Variants in HPS4 observed in about 807,000 individuals in gnomAD.
The protein encoded by HPS4 is HPS4 biogenesis of lysosomal organelles complex 3 subunit 2, also known as BLOC-3 complex member HPS4.
Under a neutral mutation model 70.3 loss-of-function variants are expected in HPS4, and 44 were observed. The ratio of observed to expected loss-of-function variants is 0.63; its 90% CI spans 0.49 to 0.80. The LOEUF (loss-of-function observed/expected upper bound fraction) is 0.80, where lower values mean the gene tolerates loss of function less well. Among genes scored for constraint, HPS4 ranks in the 30% least tolerant of loss-of-function variants. HPS4 has a pLI of 0.00. For synonymous variants in HPS4, 377 were observed against 355.9 expected, an observed-to-expected ratio of 1.06 and a Z score of -0.67; for missense variants, 873 against 884.4, an observed-to-expected ratio of 0.99 and a Z score of 0.16.
intron 13 of HPS4, 82 bp from the exon 14 acceptor site, chr22:26,453,486 G>T: frequency 6.8e-7 from 1 of 1,471,450 alleles, no homozygotes; most frequent in Non-Finnish European, 9.5e-7. Context: ...TAAGGTTCTT[G>T]TCACAGAGGA....
At chr22:26,443,232 G>A (rs764629413), downstream of HPS4, 24 of 1,591,586 alleles carry the variant, frequency 1.5e-5, no homozygotes, top group South Asian at 1.3e-4. Flanking sequence ...TGGAGTCGGC[G>A]AGAAGGGCCG....
intron 2 of HPS4, 78 bp downstream of exon 2, chr22:26,481,644 C>T (rs1187824651): frequency 7.6e-7 from 1 of 1,310,186 alleles, no homozygotes; most frequent in East Asian, 2.3e-5. Flanking sequence ...CACAATCTGG[C>T]TGGGGATTTT....
chr22:26,482,868 A>G (rs1328447745), intron 1 of HPS4: 1 of 152,236 alleles, frequency 6.6e-6, no homozygotes, highest in African/African-American at 2.4e-5. Flanking sequence ...TAGTCTGGAT[A>G]ACGCTCTGCA....
intron 3 of HPS4, among the ~76,000 whole-genome samples, chr22:26,445,723 G>A (rs190863675): frequency 1.3e-5 from 2 of 152,298 alleles, no homozygotes; most frequent in Non-Finnish European, 2.9e-5. Flanking sequence ...CCACAGCTGA[G>A]TAGAGAAACA....
rs1271749665 is a variant in HPS4 at position 26,464,431 on chromosome 22, G to C, written c.1199C>G (p.Pro400Arg). ...GGCGCTGAGAGATGCCTTGCAGTAA[G>C]GAGCCCTGCCATCTGGAACAGGCAC... ...LHVPVPDGRA[P>R]YCKASLSASS... The change falls in exon 11 of 14, where the codon CCT (proline) becomes CGT (arginine). Residue 400 changes from proline (P) to arginine (R), a missense_variant. Physicochemically the swap from Pro to Arg is moderately radical, Grantham distance 103. Coordinates refer to ENST00000398145, the MANE Select transcript of HPS4 (RefSeq NM_022081.6). The C allele has an allele frequency of 1.2e-6, 2 of 1,614,202 alleles. No individual in the cohort carries two copies. The highest frequency in any genetic ancestry group is 3.3e-5 in the Admixed American group (2 of 60,026).
At chr22:26,461,362 G>C (rs1161488602) in intron 11 of HPS4, among the ~76,000 whole-genome samples, 1 of 152,104 alleles carries the variant, frequency 6.6e-6, no homozygotes, top group African/African-American at 2.4e-5. Context: ...GATTATCTTG[G>C]GGTCTGAGTA....
chr22:26,453,443 T>C (rs1409808108), intron 13 of HPS4, 39 bp from the exon 14 acceptor site: 4 of 1,609,952 alleles, frequency 2.5e-6, no homozygotes, highest in Admixed American at 3.3e-5. Context: ...CCAATGCTGC[T>C]GGTGCTAATC....
chr22:26,447,879 T>C (rs2085007252), downstream of HPS4, among the ~76,000 whole-genome samples: 1 of 152,106 alleles, frequency 6.6e-6, no homozygotes, highest in Non-Finnish European at 1.5e-5. Flanking sequence ...CCGCTTCCCA[T>C]ACATTAGCCA....
chr22:26,462,159 C>T (rs551633680), intron 11 of HPS4, among the ~76,000 whole-genome samples: 1 of 151,452 alleles, frequency 6.6e-6, no homozygotes, highest in Non-Finnish European at 1.5e-5. Flanking sequence ...AAAAGATTAG[C>T]TTTTTCTCTT....
At chr22:26,443,884 G>C (rs1296110865), downstream of HPS4, 1 of 152,290 alleles carries the variant, frequency 6.6e-6, no homozygotes, top group Non-Finnish European at 1.5e-5. Flanking sequence ...CATTGGGCCA[G>C]TAGGACTGGA....
At chr22:26,470,914 G>A (rs1252990883) in intron 6 of HPS4, 101 bp from the exon 7 acceptor site, 1 of 1,562,676 alleles carries the variant, frequency 6.4e-7, no homozygotes. Flanking sequence ...ACAGGGTGTA[G>A]CTCAAAGCCT....
intron 4 of HPS4, chr22:26,476,140 G>T (rs2090512234): frequency 6.6e-6 from 1 of 152,138 alleles, no homozygotes; most frequent in Admixed American, 6.5e-5. Flanking sequence ...CTGTAGAATT[G>T]AGGAGGTATA....
chr22:26,466,168 G>A lies in HPS4; in HGVS notation c.706+58C>T, dbSNP rs1326967897. Reference sequence around the variant, plus strand: ...GTTTCCTTCGCATAACTTGTACAGGGGTAGGTAGCATAAAAGACCGCCGTT... The same window carrying A: ...GTTTCCTTCGCATAACTTGTACAGGAGTAGGTAGCATAAAAGACCGCCGTT... On this transcript the variant is annotated intron_variant, in intron 9 of 13. Coordinates refer to ENST00000398145, the MANE Select transcript of HPS4 (RefSeq NM_022081.6). The A allele has an allele frequency of 5.6e-6, 9 of 1,610,918 alleles. No homozygotes were observed. In the African/African-American group the frequency reaches 1.2e-4, roughly 21 times the overall value.
Position 26,477,206 on chromosome 22 carries a change from T to TA in HPS4, c.133-71dup. 5 of 1,555,696 alleles carry TA rather than the reference T, an allele frequency of 3.2e-6. No individual in the cohort carries two copies. In the South Asian group the frequency reaches 5.6e-5, roughly 17 times the overall value. ...AACTCTTAAGTCATTTCTTACAGCA[T>TA]ACTAAAGCCTGCAAGCCAAATCCAG... is the stretch of plus-strand genomic sequence containing the variant. On this transcript the variant is annotated intron_variant, in intron 3 of 13. Transcript: ENST00000398145.
At chr22:26,448,126 A>G (rs1003301226), downstream of HPS4, among the ~76,000 whole-genome samples, 5 of 152,166 alleles carry the variant, frequency 3.3e-5, no homozygotes, top group Admixed American at 3.3e-4. Flanking sequence ...CTGGACACAC[A>G]TCCAGGACTC....
At chr22:26,478,962 G>A (rs937136672) in intron 3 of HPS4, among the ~76,000 whole-genome samples, 1 of 152,114 alleles carries the variant, frequency 6.6e-6, no homozygotes, top group Non-Finnish European at 1.5e-5. Context: ...GGGACTGCAG[G>A]CATAAACTAC....
intron 8 of HPS4, 106 bp from the exon 9 acceptor site, chr22:26,466,368 C>T: frequency 7.7e-7 from 1 of 1,299,214 alleles, no homozygotes; most frequent in East Asian, 2.4e-5. Context: ...TAGCCAGGCC[C>T]AGAAAGCTTG....
chr22:26,453,471 C>T, intron 13 of HPS4, 67 bp from the exon 14 acceptor site: 1 of 1,560,610 alleles, frequency 6.4e-7, no homozygotes. Flanking sequence ...ACACAGAGAC[C>T]TCAGTAAGGT....
At chr22:26,458,907 C>A (rs1395429011) in intron 11 of HPS4, among the ~76,000 whole-genome samples, 1 of 151,684 alleles carries the variant, frequency 6.6e-6, no homozygotes. Flanking sequence ...TTTTCTTTCA[C>A]CCTTATGTTC....
Sources: gnomAD v4.1 joint callset for allele counts (sites outside exome capture counted in the v4.1 genomes callset) on GRCh38, gnomAD v4.1.1 for gene constraint, MANE v1.5 for transcripts, NCBI Gene and HGNC (gene_info 2026-07-23, HGNC 2026-07-21) for gene names.